Variants in YKT6 observed in about 807,000 individuals in gnomAD.
YKT6 encodes synaptobrevin homolog YKT6.
A neutral mutation model predicts 29.3 loss-of-function variants in YKT6; 12 were observed. That is an observed-to-expected ratio of 0.41 (90% CI 0.26 to 0.66). The LOEUF (loss-of-function observed/expected upper bound fraction) is 0.66. Among genes scored for constraint, YKT6 ranks in the 30% least tolerant of loss-of-function variants. The probability of loss-of-function intolerance (pLI) is 0.32; values close to 1 mark genes in which losing one functional copy is unlikely to be tolerated. For missense variants in YKT6, 188 were observed against 243.8 expected, an observed-to-expected ratio of 0.77 and a Z score of 1.52; for synonymous variants, 86 against 94.3, an observed-to-expected ratio of 0.91 and a Z score of 0.51.
chr7:44,205,894 TAATATGGA>T (rs2096340335), intron 2 of YKT6, among the ~76,000 whole-genome samples: 1 of 152,192 alleles, frequency 6.6e-6, no homozygotes, highest in Non-Finnish European at 1.5e-5. Context: ...CAGGTTGCTA[TAATATGGA>T]AGACTGAGGC....
intron 1 of YKT6, among the ~76,000 whole-genome samples, chr7:44,202,877 C>A (rs2096337300): frequency 2.0e-5 from 3 of 152,152 alleles, no homozygotes; most frequent in Non-Finnish European, 2.9e-5. Context: ...TGTGTTGTTG[C>A]TTTTCTCAGA....
Position 44,211,025 on chromosome 7 carries a change from C to A in YKT6, c.462C>A (p.His154Gln). The change falls in exon 6 of 7, where the codon CAC becomes CAA. Residue 154 changes from histidine to glutamine, a missense_variant and splice_region_variant. His to Gln is a conservative substitution (Grantham distance 24). Transcript: ENST00000223369. ...ATTCTCTTTTCTTTTTTGTCCAGCA[C>A]AACACCATGGAGTCTCTGTTAGAGC... ...AELDETKIIL[H>Q]NTMESLLERG... is the part of the protein sequence containing the mutation. 6.2e-7 allele frequency: 1 copy of A among 1,613,940 alleles called. No individual in the cohort carries two copies. The highest frequency in any genetic ancestry group is 8.5e-7 in the Non-Finnish European group (1 of 1,179,976).
Position 44,207,382 on chromosome 7 carries a change from T to C in YKT6, c.289-6T>C. On this transcript the variant is annotated splice_region_variant and splice_polypyrimidine_tract_variant and intron_variant, in intron 3 of 6. Transcript: ENST00000223369. Reference sequence around the variant, plus strand: ...GGAGGCTTGTTGAGTCTCCTTTGTCTTGCAGGTACTAGATGAATTCTCCAA... The same window carrying C: ...GGAGGCTTGTTGAGTCTCCTTTGTCCTGCAGGTACTAGATGAATTCTCCAA... 6.2e-7 allele frequency: 1 copy of C among 1,613,820 alleles called. No homozygotes were observed. The highest frequency in any genetic ancestry group is 8.5e-7 in the Non-Finnish European group (1 of 1,179,828).
At position 44,206,248 on chromosome 7, in the gene YKT6, C is replaced by T. The variant is rs1055310729; in HGVS notation, c.188-137C>T. On this transcript the variant is annotated intron_variant, in intron 2 of 6. Transcript: ENST00000223369. ...ATTGGGCTGTGCTGCTAAGCCTCTC[C>T]ACAAGACTTGCCCAGAGCTATTGAG... 9.8e-6 allele frequency: 8 copies of T among 817,880 alleles called. No individual in the cohort carries two copies. In the African/African-American group the frequency reaches 1.2e-4, roughly 12 times the overall value. The allele number at this position is 817,880 out of a possible 1,614,324, so 50.7% of individuals were successfully genotyped here.
intron 6 of YKT6, 134 bp from the exon 7 acceptor site, chr7:44,212,113 C>A: frequency 1.9e-6 from 2 of 1,065,248 alleles, no homozygotes; most frequent in East Asian, 2.4e-5. Context: ...AAGGCCTCCA[C>A]CCCCACCCTG....
At chr7:44,211,169 A>G in intron 6 of YKT6, 45 bp downstream of exon 6, 3 of 1,555,780 alleles carry the variant, frequency 1.9e-6, no homozygotes, top group Non-Finnish European at 2.7e-6. Flanking sequence ...CTCTCTAGAG[A>G]GCAGTCGCAG....
intron 5 of YKT6, chr7:44,208,418 G>T (rs2096343268): frequency 9.9e-6 from 5 of 506,452 alleles, no homozygotes; most frequent in Non-Finnish European, 1.8e-5. Flanking sequence ...GGACCAAGCT[G>T]GGAACCAGTG....
At position 44,213,090 on chromosome 7, in the gene YKT6, A is replaced by G. The variant is rs754346052; in HGVS notation, c.*808A>G. 2 of 152,234 alleles carry G rather than the reference A, an allele frequency of 1.3e-5. No homozygotes were observed. Among genetic ancestry groups the G allele is most frequent in the South Asian group, 2.1e-4 (1 of 4,838 alleles). The allele number at this position is 152,234 out of a possible 1,614,324, so 9.4% of individuals were successfully genotyped here. A position where few individuals can be genotyped will look rare whatever the true frequency, so the allele number is the denominator to read the frequency against. ...TTTGGATGGTCAGCTGGGAGTGTCC[A>G]TCATCAGGGGAAGATCAAACACAGG... On this transcript the variant is annotated 3_prime_UTR_variant, in exon 7 of 7. Coordinates refer to ENST00000223369, the MANE Select transcript of YKT6 (RefSeq NM_006555.4).
chr7:44,207,292 C>A, intron 3 of YKT6, 96 bp from the exon 4 acceptor site: 1 of 993,156 alleles, frequency 1.0e-6, no homozygotes, highest in South Asian at 1.5e-5. Context: ...GCCAAGGAGC[C>A]TCATTCAGGG....
intron 1 of YKT6, 33 bp downstream of exon 1, chr7:44,201,272 C>A: frequency 2.2e-6 from 3 of 1,357,294 alleles, no homozygotes; most frequent in South Asian, 2.3e-5. Context: ...CCGTGGCGGT[C>A]GGGCGGAGAG....
chr7:44,208,012 C>T (rs2096342784), intron 4 of YKT6, 121 bp from the exon 5 acceptor site: 3 of 1,040,480 alleles, frequency 2.9e-6, no homozygotes, highest in Non-Finnish European at 4.3e-6. Context: ...GCGTGAGCCA[C>T]TGTGCCCGGC....
chr7:44,209,922 T>C (rs2096344785), intron 5 of YKT6, among the ~76,000 whole-genome samples: 1 of 152,248 alleles, frequency 6.6e-6, no homozygotes, highest in African/African-American at 2.4e-5. Flanking sequence ...TGCTGTCTGG[T>C]ATATATTTGG....
chr7:44,210,952 A>C (rs918292783), intron 5 of YKT6, 71 bp from the exon 6 acceptor site: 2 of 1,529,382 alleles, frequency 1.3e-6, no homozygotes. Flanking sequence ...TTCCCCCATG[A>C]CTGAAATATG....
intron 1 of YKT6, among the ~76,000 whole-genome samples, chr7:44,202,741 T>C (rs757070819): frequency 3.4e-4 from 52 of 152,256 alleles, no homozygotes; most frequent in Non-Finnish European, 5.7e-4. Context: ...TGTACAAATA[T>C]CTCTTCAAGA....
chr7:44,212,668 T>G lies in YKT6; in HGVS notation c.*386T>G. ...GATCTTATTTGTACATTAATGATAT[T>G]AACACTCCAGTGGGGGGTGGGGAGT... On this transcript the variant is annotated 3_prime_UTR_variant, in exon 7 of 7. Transcript: ENST00000223369. The G allele has an allele frequency of 5.7e-6, 1 of 176,460 alleles. No individual in the cohort carries two copies. The highest frequency in any genetic ancestry group is 1.2e-5 in the Non-Finnish European group (1 of 83,468). The allele number at this position is 176,460 out of a possible 1,614,324, so 10.9% of individuals were successfully genotyped here.
rs879129239 is a variant in YKT6, at chr7:44,212,807, A to G, written c.*525A>G. The G allele has an allele frequency of 6.6e-6, 1 of 151,840 alleles. No individual in the cohort carries two copies. The highest frequency in any genetic ancestry group is 2.4e-5 in the African/African-American group (1 of 41,386). 9.4% of individuals were successfully genotyped at this position (151,840 alleles called of 1,614,324 possible). A position where few individuals can be genotyped will look rare whatever the true frequency, so the allele number is the denominator to read the frequency against. ...CCACAGAGGCCACAGGCAGGCCCCC[A>G]CTTCAGGCCCAAGGCCTGGGGCGGG... On this transcript the variant is annotated 3_prime_UTR_variant, in exon 7 of 7. Coordinates refer to ENST00000223369, the MANE Select transcript of YKT6 (RefSeq NM_006555.4).
intron 1 of YKT6, among the ~76,000 whole-genome samples, chr7:44,204,159 G>T (rs1366117413): frequency 6.6e-6 from 1 of 152,178 alleles, no homozygotes; most frequent in African/African-American, 2.4e-5. Flanking sequence ...GTGCATTTCT[G>T]CCTGACAGTT....
chr7:44,207,607 G>A, intron 4 of YKT6, 115 bp downstream of exon 4: 1 of 849,030 alleles, frequency 1.2e-6, no homozygotes, highest in Non-Finnish European at 1.9e-6. Context: ...TTCTGATGCT[G>A]GTGTCCTCTC....
At chr7:44,201,342 G>A in intron 1 of YKT6, 103 bp downstream of exon 1, 1 of 813,548 alleles carries the variant, frequency 1.2e-6, no homozygotes. Context: ...TGAGGGGAGG[G>A]TGGAGGAGGC....
Sources: gnomAD v4.1 joint callset for allele counts (sites outside exome capture counted in the v4.1 genomes callset) on GRCh38, gnomAD v4.1.1 for gene constraint, MANE v1.5 for transcripts, NCBI Gene and HGNC (gene_info 2026-07-23, HGNC 2026-07-21) for gene names.